The following ZBED3 variants were observed in gnomAD, a reference collection of about 807,000 sequenced individuals.
The protein encoded by ZBED3 is zinc finger BED domain-containing protein 3.
For missense variants in ZBED3, 388 were observed against 362.9 expected (o/e 1.07, Z -0.56); for synonymous variants, 175 against 180.0 (o/e 0.97, Z 0.22).
At chr5:77,080,245 C>T (rs1743101488) in intron 1 of ZBED3, among the ~76,000 whole-genome samples, 1 of 152,200 alleles carries the variant, frequency 6.6e-6, no homozygotes, top group Admixed American at 6.5e-5. Flanking sequence ...CCAGAGGTGA[C>T]TGATTACTGT....
rs1264150741 is a variant in ZBED3 at position 77,072,988 on chromosome 5, G to A, written c.*4186C>T. 2 of 152,148 alleles carry A rather than the reference G, an allele frequency of 1.3e-5. No individual in the cohort carries two copies. Among genetic ancestry groups the A allele is most frequent in the Admixed American group, 6.5e-5 (1 of 15,272 alleles). 9.4% of individuals were successfully genotyped at this position (152,148 alleles called of 1,614,324 possible). On this transcript the variant is annotated 3_prime_UTR_variant, in exon 3 of 3. Transcript: ENST00000255198. ...GAACAAGGGCTGCATTTCTTTCTGG[G>A]ATTTTCTGGAAATGGGGATTATATC...
chr5:77,085,552 C>T (rs960765667), intron 1 of ZBED3, among the ~76,000 whole-genome samples: 7 of 152,214 alleles, frequency 4.6e-5, no homozygotes, highest in Non-Finnish European at 8.8e-5. Flanking sequence ...ATGAGAAATT[C>T]ACACTAACGT....
rs1742955089 is a variant in ZBED3, at chr5:77,075,409, G to A, written c.*1765C>T. 1 of 152,134 alleles carries A rather than the reference G, an allele frequency of 6.6e-6. No homozygotes were observed. The highest frequency in any genetic ancestry group is 1.5e-5 in the Non-Finnish European group (1 of 68,016). 9.4% of individuals were successfully genotyped at this position (152,134 alleles called of 1,614,324 possible). ...GACAAACATTCTGGAGACAATTGTT[G>A]AATACTGATTAAGGGCTCTGTATTA... On this transcript the variant is annotated 3_prime_UTR_variant, in exon 3 of 3. Transcript: ENST00000255198.
At chr5:77,080,951 G>A (rs560324755) in intron 1 of ZBED3, among the ~76,000 whole-genome samples, 14 of 152,186 alleles carry the variant, frequency 9.2e-5, no homozygotes, top group South Asian at 2.1e-4. Context: ...CAAAAAACTC[G>A]AGTGCATTTC....
At position 77,075,936 on chromosome 5, in the gene ZBED3, TA is replaced by T. The variant is rs199912987; in HGVS notation, c.*1237del. On this transcript the variant is annotated 3_prime_UTR_variant, in exon 3 of 3. Transcript: ENST00000255198. The stretch of plus-strand genomic sequence containing the variant: ...ACATGCACCCTAGAACTTAAAGTAT[TA>T]TATATACATATATATATATATATAT... 332 of 10,814 alleles carry T rather than the reference TA, an allele frequency of 0.031. 59 individuals carry two copies. The highest frequency in any genetic ancestry group is 0.046 in the East Asian group (53 of 1,158). 0.7% of individuals were successfully genotyped at this position (10,814 alleles called of 1,614,324 possible).
chr5:77,080,051 C>A (rs1216119154), intron 1 of ZBED3, among the ~76,000 whole-genome samples: 1 of 152,102 alleles, frequency 6.6e-6, no homozygotes, highest in Non-Finnish European at 1.5e-5. Flanking sequence ...TATAATGAAT[C>A]TTTACGACTA....
intron 1 of ZBED3, among the ~76,000 whole-genome samples, chr5:77,083,842 G>A (rs768652733): frequency 8.5e-5 from 13 of 152,080 alleles, no homozygotes; most frequent in South Asian, 2.1e-4. Flanking sequence ...TGCAAAATAG[G>A]TTATTTATCA....
intron 1 of ZBED3, among the ~76,000 whole-genome samples, chr5:77,082,528 A>G (rs950539917): frequency 1.4e-4 from 22 of 152,230 alleles, no homozygotes; most frequent in African/African-American, 4.6e-4. Context: ...GTTCTGTTCA[A>G]TGTCTTACAA....
chr5:77,077,763 C>T lies in ZBED3; in HGVS notation c.116G>A (p.Gly39Asp), dbSNP rs762005321. 13 of 1,315,956 alleles carry T rather than the reference C, an allele frequency of 9.9e-6. 1 individual carries two copies. In the South Asian group the frequency reaches 2.5e-4, roughly 25 times the overall value. The allele number at this position is 1,315,956 out of a possible 1,614,324, so 81.5% of individuals were successfully genotyped here. ...CTCGGAGTATGGCGCCCCCAGGCGG[C>T]CGGGAGGCGTCGGCGTCGGCGCCGG... ...LGPAPTPTPP[G>D]RLGAPYSEAW... The change falls in exon 3 of 3, where the codon GGC becomes GAC. Residue 39 changes from glycine to aspartate, a missense_variant. By Grantham distance (94) the Gly-to-Asp change is moderately conservative. Transcript: ENST00000255198.
intron 1 of ZBED3, among the ~76,000 whole-genome samples, chr5:77,082,889 C>A (rs578005551): frequency 6.6e-6 from 1 of 152,086 alleles, no homozygotes; most frequent in South Asian, 2.1e-4. Context: ...TAATCCCAGC[C>A]CTTTGGGAGG....
rs59835820 is a variant in ZBED3 at position 77,075,981 on chromosome 5, GTATATATA to G, written c.*1185_*1192del. On this transcript the variant is annotated 3_prime_UTR_variant, in exon 3 of 3. Coordinates refer to ENST00000255198, the MANE Select transcript of ZBED3 (RefSeq NM_032367.4). ...TATATATATATGTATATGTATATATGTATATATATATGTATATATGTATATATATATGT... is the reference window on the plus strand; with the variant it reads ...TATATATATATGTATATGTATATATGTATGTATATATGTATATATATATGT... 9 of 24,834 alleles carry G rather than the reference GTATATATA, an allele frequency of 3.6e-4. No individual in the cohort carries two copies. In the East Asian group the frequency reaches 6.0e-3, roughly 16 times the overall value. 1.5% of individuals were successfully genotyped at this position (24,834 alleles called of 1,614,324 possible). A position where few individuals can be genotyped will look rare whatever the true frequency, so the allele number is the denominator to read the frequency against.
At position 77,073,144 on chromosome 5, in the gene ZBED3, A is replaced by C. The variant is rs1030327360; in HGVS notation, c.*4030T>G. ...TGTGTAAAAAATTACAACAATGCAG[A>C]AGTGTATAAAGCAGAAAGTAAAAAC... On this transcript the variant is annotated 3_prime_UTR_variant, in exon 3 of 3. Transcript: ENST00000255198. The C allele has an allele frequency of 3.3e-5, 5 of 152,186 alleles. No homozygotes were observed. Among genetic ancestry groups the C allele is most frequent in the Non-Finnish European group, 5.9e-5 (4 of 68,036 alleles). 9.4% of individuals were successfully genotyped at this position (152,186 alleles called of 1,614,324 possible).
chr5:77,077,068 G>A lies in ZBED3; in HGVS notation c.*106C>T, dbSNP rs1041090651. The A allele has an allele frequency of 1.2e-6, 1 of 825,022 alleles. No individual in the cohort carries two copies. The highest frequency in any genetic ancestry group is 1.8e-5 in the African/African-American group (1 of 55,966). 51.1% of individuals were successfully genotyped at this position (825,022 alleles called of 1,614,324 possible). A position where few individuals can be genotyped will look rare whatever the true frequency, so the allele number is the denominator to read the frequency against. On this transcript the variant is annotated 3_prime_UTR_variant, in exon 3 of 3. Coordinates refer to ENST00000255198, the MANE Select transcript of ZBED3 (RefSeq NM_032367.4). ...GTTAGCTGGAGCTTCCGAGTGAGTAGCGGCTGCGGGCCTGGCTTCGGTTAC... is the reference window on the plus strand; with the variant it reads ...GTTAGCTGGAGCTTCCGAGTGAGTAACGGCTGCGGGCCTGGCTTCGGTTAC...
rs1353650185 is a variant in ZBED3, at chr5:77,077,285, A to G, written c.594T>C (p.Asp198=). 11 of 1,388,108 alleles carry G rather than the reference A, an allele frequency of 7.9e-6. No homozygotes were observed. The Admixed American group carries it at 9.6e-5, about 12-fold the overall frequency. The allele number at this position is 1,388,108 out of a possible 1,614,324, so 86.0% of individuals were successfully genotyped here. The change falls in exon 3 of 3, where the codon GAT becomes GAC. Residue 198 remains aspartate, a synonymous_variant. Coordinates refer to ENST00000255198, the MANE Select transcript of ZBED3 (RefSeq NM_032367.4). ...EREALQARLR[D]VSRREGALGW... Reference sequence around the variant, plus strand: ...CCAGGGCGCCCTCACGGCGGCTCACATCCCGCAGCCGCGCCTGCAGCGCCT... The same window carrying G: ...CCAGGGCGCCCTCACGGCGGCTCACGTCCCGCAGCCGCGCCTGCAGCGCCT...
rs542023112 is a variant in ZBED3 at position 77,075,186 on chromosome 5, T to G, written c.*1988A>C. On this transcript the variant is annotated 3_prime_UTR_variant, in exon 3 of 3. Coordinates refer to ENST00000255198, the MANE Select transcript of ZBED3 (RefSeq NM_032367.4). Reference sequence around the variant, plus strand: ...ACTCTGCAGGGATATGAGCCACGAGTGGAGTGTAGACATAGGCCTAAGGAA... The same window carrying G: ...ACTCTGCAGGGATATGAGCCACGAGGGGAGTGTAGACATAGGCCTAAGGAA... 1 of 151,778 alleles carries G rather than the reference T, an allele frequency of 6.6e-6. No homozygotes were observed. The highest frequency in any genetic ancestry group is 1.5e-5 in the Non-Finnish European group (1 of 67,980). The allele number at this position is 151,778 out of a possible 1,614,324, so 9.4% of individuals were successfully genotyped here. A position where few individuals can be genotyped will look rare whatever the true frequency, so the allele number is the denominator to read the frequency against.
Position 77,075,986 on chromosome 5 carries a change from T to TACAC in ZBED3, c.*1187_*1188insGTGT, listed in dbSNP as rs1432527147. 5 of 27,448 alleles carry TACAC rather than the reference T, an allele frequency of 1.8e-4. No homozygotes were observed. The highest frequency in any genetic ancestry group is 4.5e-4 in the African/African-American group (3 of 6,644). The allele number at this position is 27,448 out of a possible 1,614,324, so 1.7% of individuals were successfully genotyped here. ...ATATATGTATATGTATATATGTATA[T>TACAC]ATATATGTATATATGTATATATATA... is the stretch of plus-strand genomic sequence containing the variant. On this transcript the variant is annotated 3_prime_UTR_variant, in exon 3 of 3. Coordinates refer to ENST00000255198, the MANE Select transcript of ZBED3 (RefSeq NM_032367.4).
intron 1 of ZBED3, among the ~76,000 whole-genome samples, chr5:77,083,892 A>T (rs1346513491): frequency 6.6e-6 from 1 of 152,214 alleles, no homozygotes; most frequent in Non-Finnish European, 1.5e-5. Flanking sequence ...TAATTAGCCA[A>T]AGCCCTGTGA....
chr5:77,072,503 G>T lies in ZBED3; in HGVS notation c.*4671C>A, dbSNP rs556580044. ...CTAGGGACTCATGGCCACTCTAAAAGAGGAGTTCCAGAAATGTTGAAGCAT... is the reference window on the plus strand; with the variant it reads ...CTAGGGACTCATGGCCACTCTAAAATAGGAGTTCCAGAAATGTTGAAGCAT... On this transcript the variant is annotated 3_prime_UTR_variant, in exon 3 of 3. Transcript: ENST00000255198. 5.3e-5 allele frequency: 8 copies of T among 152,306 alleles called. No individual in the cohort carries two copies. Among genetic ancestry groups the T allele is most frequent in the African/African-American group, 1.9e-4 (8 of 41,564 alleles). The allele number at this position is 152,306 out of a possible 1,614,324, so 9.4% of individuals were successfully genotyped here. A position where few individuals can be genotyped will look rare whatever the true frequency, so the allele number is the denominator to read the frequency against.
chr5:77,085,711 T>C (rs1295870039), intron 1 of ZBED3, among the ~76,000 whole-genome samples: 2 of 152,254 alleles, frequency 1.3e-5, no homozygotes, highest in African/African-American at 2.4e-5. Flanking sequence ...TCATCTGTTA[T>C]CCGTCCATCT....
Sources: gnomAD v4.1 joint callset for allele counts (sites outside exome capture counted in the v4.1 genomes callset) on GRCh38, gnomAD v4.1.1 for gene constraint, MANE v1.5 for transcripts, NCBI Gene and HGNC (gene_info 2026-07-23, HGNC 2026-07-21) for gene names.